Variants in MIB2 observed in about 807,000 individuals in gnomAD.
MIB2 encodes MIB E3 ubiquitin protein ligase 2, also known as E3 ubiquitin-protein ligase MIB2.
Under a neutral mutation model 96.6 loss-of-function variants are expected in MIB2, and 78 were observed. The ratio of observed to expected loss-of-function variants is 0.81; its 90% CI spans 0.67 to 0.97. The LOEUF is 0.97. MIB2 is among the 50% of genes least tolerant of loss of function. The pLI is 0.00. For synonymous variants in MIB2, 820 were observed against 629.5 expected (o/e 1.30, Z -4.53); for missense variants, 1,543 against 1,424.0 (o/e 1.08, Z -1.35).
Position 1,625,498 on chromosome 1 carries a change from C to T in MIB2, c.865-48C>T. 6.5e-7 allele frequency: 1 copy of T among 1,541,640 alleles called. No individual in the cohort carries two copies. ...CCCTCCGCCCCCTCAGCCCCTTCCT[C>T]CCCAAGCGTCCAGCCCGACCCAGCC... is the stretch of plus-strand genomic sequence containing the variant. On this transcript the variant is annotated intron_variant, in intron 7 of 19. Coordinates refer to ENST00000355826, the MANE Select transcript of MIB2 (RefSeq NM_001170687.4). The surrounding 1 kb of genome is among the most constrained non-coding windows in gnomAD (Gnocchi z 5.0).
intron 2 of MIB2, chr1:1,617,194 G>A (rs28475060): frequency 0.029 from 4,485 of 153,522 alleles, 192 homozygotes; most frequent in East Asian, 0.21. Flanking sequence ...GGCCTGTGGC[G>A]TGCCACACAC....
At position 1,630,462 on chromosome 1, in the gene MIB2, G is replaced by T; in HGVS notation, c.2800G>T (p.Gly934Cys). Residue 934 changes from glycine to cysteine, a missense_variant, in exon 20 of 20, where the codon GGC becomes TGC. Gly to Cys is a radical substitution (Grantham distance 159). Transcript: ENST00000355826. ...QCGHGACAPC[G>C]SALSACPICR... ...CGGCCACGGCGCATGCGCCCCCTGC[G>T]GCTCCGCGCTCAGCGCCTGCCCCAT... is the stretch of plus-strand genomic sequence containing the variant. 1 of 1,594,236 alleles carries T rather than the reference G, an allele frequency of 6.3e-7. No individual in the cohort carries two copies. Among genetic ancestry groups the T allele is most frequent in the East Asian group, 2.3e-5 (1 of 43,844 alleles).
intron 1 of MIB2, 187 bp downstream of exon 1, chr1:1,615,820 T>C: frequency 7.7e-7 from 1 of 1,293,800 alleles, no homozygotes; most frequent in Non-Finnish European, 9.8e-7. Flanking sequence ...CGGGGCCTCC[T>C]GGGAGTTGTG....
At chr1:1,616,824 C>A in intron 2 of MIB2, 1 of 514,530 alleles carries the variant, frequency 1.9e-6, no homozygotes, top group Non-Finnish European at 3.4e-6. Context: ...TAGGCACCTG[C>A]AGGATTGGGG....
chr1:1,623,065 T>A, intron 2 of MIB2: 1 of 385,396 alleles, frequency 2.6e-6, no homozygotes, highest in Non-Finnish European at 4.7e-6. Flanking sequence ...CAGCTCTTAC[T>A]TTAGTGAAGT....
At chr1:1,619,821 G>A (rs1006705325) in intron 2 of MIB2, among the ~76,000 whole-genome samples, 1 of 152,220 alleles carries the variant, frequency 6.6e-6, no homozygotes, top group African/African-American at 2.4e-5. Context: ...GCCCAGTTGT[G>A]CCCCAACTCA....
At chr1:1,622,293 G>C (rs1035240917) in intron 2 of MIB2, among the ~76,000 whole-genome samples, 2 of 152,260 alleles carry the variant, frequency 1.3e-5, no homozygotes, top group African/African-American at 4.8e-5. Context: ...GTGTAGTGGT[G>C]CGATCACAGC....
chr1:1,616,198 G>C (rs887602291), intron 1 of MIB2: 2 of 765,312 alleles, frequency 2.6e-6, no homozygotes, highest in African/African-American at 1.9e-5. Context: ...CGCTCCGGGT[G>C]GGGGTGCCCG....
chr1:1,617,310 A>C (rs890165538), intron 2 of MIB2: 6 of 152,310 alleles, frequency 3.9e-5, no homozygotes, highest in Admixed American at 3.3e-4. Context: ...CAATTTGCTA[A>C]CTTTCTCGCT....
At chr1:1,618,383 G>C (rs1391756062) in intron 2 of MIB2, 4 of 152,468 alleles carry the variant, frequency 2.6e-5, no homozygotes, top group African/African-American at 9.7e-5. Context: ...GGTGGAGGCA[G>C]AGGGAGTGAG....
rs1406256587 is a variant in MIB2 at position 1,626,806 on chromosome 1, A to G, written c.1078-31A>G. The G allele has an allele frequency of 1.9e-6, 3 of 1,582,794 alleles. No individual in the cohort carries two copies. The highest frequency in any genetic ancestry group is 2.3e-5 in the East Asian group (1 of 44,114). On this transcript the variant is annotated intron_variant, in intron 9 of 19. Transcript: ENST00000355826. The surrounding 1 kb of genome is among the most constrained non-coding windows in gnomAD (Gnocchi z 5.3). Reference sequence around the variant, plus strand: ...TAGCGCCGCTGCCCCCCACACCTGCAGCCTGCTGTGACCCCCTCCCCTCCC... The same window carrying G: ...TAGCGCCGCTGCCCCCCACACCTGCGGCCTGCTGTGACCCCCTCCCCTCCC...
chr1:1,617,939 G>A (rs1643899347), intron 2 of MIB2: 1 of 152,312 alleles, frequency 6.6e-6, no homozygotes, highest in Admixed American at 6.5e-5. Flanking sequence ...CTGAGATGAA[G>A]ATACCCATTG....
rs1256642254 is a variant in MIB2, at chr1:1,616,428, G to A, written c.-129-80G>A. On this transcript the variant is annotated intron_variant, in intron 1 of 19. Coordinates refer to ENST00000355826, the MANE Select transcript of MIB2 (RefSeq NM_001170687.4). ...GCCCGAGTGGACCTGGAGCCGGCGG[G>A]CAGCCCCGGGGGCAGACAGGCGACC... is the stretch of plus-strand genomic sequence containing the variant. 3.8e-6 allele frequency: 4 copies of A among 1,051,694 alleles called. No individual in the cohort carries two copies. In the South Asian group the frequency reaches 5.1e-5, roughly 13 times the overall value. 65.1% of individuals were successfully genotyped at this position (1,051,694 alleles called of 1,614,324 possible).
rs773956963 is a variant in MIB2, at chr1:1,623,804, G to A, written c.278G>A (p.Cys93Tyr). ...GVRHPNIICD[C>Y]CKKHGLRGMR... ...CGGCACCCCAACATCATCTGTGACT[G>A]CTGCAAGAAGCACGGGCTGCGGGGG... Residue 93 changes from cysteine (C) to tyrosine (Y), a missense_variant, in exon 4 of 20, where the codon TGC becomes TAC. By Grantham distance (194) the Cys-to-Tyr change is radical. Transcript: ENST00000355826. 13 of 1,608,664 alleles carry A rather than the reference G, an allele frequency of 8.1e-6. No homozygotes were observed. The East Asian group carries it at 2.2e-4, about 28-fold the overall frequency.
Position 1,629,149 on chromosome 1 carries a change from T to A in MIB2, c.2219T>A (p.Leu740His). The A allele has an allele frequency of 6.7e-7, 1 of 1,496,082 alleles. No individual in the cohort carries two copies. 92.7% of individuals were successfully genotyped at this position (1,496,082 alleles called of 1,614,324 possible). ...GCCGCCCAGCTACAGGCCTCGGGCC[T>A]CCCCGGCAGCGCGGAGCTGACGGTG... ...QLLSRLQASG[L>H]PGSAELTVGA... Residue 740 changes from leucine (L) to histidine (H), a missense_variant, in exon 17 of 20, where the codon CTC (leucine) becomes CAC (histidine). Coordinates refer to ENST00000355826, the MANE Select transcript of MIB2 (RefSeq NM_001170687.4).
chr1:1,619,634 C>T (rs1018212235), intron 2 of MIB2, among the ~76,000 whole-genome samples: 5 of 152,296 alleles, frequency 3.3e-5, no homozygotes, highest in South Asian at 2.1e-4. Flanking sequence ...GAGGAGGCGC[C>T]GGGTCTACAG....
chr1:1,618,038 AC>A (rs1379081986), intron 2 of MIB2: 1 of 152,292 alleles, frequency 6.6e-6, no homozygotes, highest in Non-Finnish European at 1.5e-5. Context: ...CACGATGTAC[AC>A]CAGGGGCTGC....
At position 1,626,987 on chromosome 1, in the gene MIB2, C is replaced by T. The variant is rs542956464; in HGVS notation, c.1228C>T (p.Arg410Trp). Reference protein sequence around the residue: ...DANLDVAERARENKSSLSVAL... With the variant: ...DANLDVAERAWENKSSLSVAL... ...CAACCTGGACGTGGCCGAGCGCGCC[C>T]GGGAGAACAAAAGTGCGGCACAGCT... The change falls in exon 10 of 20, where the codon CGG (arginine) becomes TGG (tryptophan). Residue 410 changes from arginine (R) to tryptophan (W), a missense_variant. By Grantham distance (101) the Arg-to-Trp change is moderately radical. Transcript: ENST00000355826. This position sits in a 1 kb window ranked among gnomAD's most constrained non-coding sequence, Gnocchi z 5.3. 3.0e-5 allele frequency: 49 copies of T among 1,611,296 alleles called. No homozygotes were observed. Among genetic ancestry groups the T allele is most frequent in the East Asian group, 1.8e-4 (8 of 44,800 alleles).
chr1:1,615,302 T>C (rs1297136987), upstream of MIB2: 1 of 1,368,268 alleles, frequency 7.3e-7, no homozygotes. Flanking sequence ...CCCGTCTCTA[T>C]GGCAACCGAG....
Sources: gnomAD v4.1 joint callset for allele counts (sites outside exome capture counted in the v4.1 genomes callset) on GRCh38, gnomAD v4.1.1 for gene constraint, Gnocchi (gnomAD v3.1) non-coding constraint, MANE v1.5 for transcripts, NCBI Gene and HGNC (gene_info 2026-07-23, HGNC 2026-07-21) for gene names.